TC2N: variants seen among roughly 807,000 people sequenced by gnomAD.
TC2N encodes tandem C2 domains nuclear protein.
TC2N carries 51 observed loss-of-function variants against 61.9 expected under a neutral mutation model. The observed-to-expected ratio is 0.82, with a 90% CI of 0.66 to 1.04. The LOEUF (loss-of-function observed/expected upper bound fraction) is 1.04, where lower values mean the gene tolerates loss of function less well. Ranked by LOEUF, TC2N falls within the 50% of genes least tolerant of loss-of-function variation. TC2N has a pLI of 0.00. For synonymous variants in TC2N, 204 were observed against 192.6 expected, an observed-to-expected ratio of 1.06 and a Z score of -0.49; for missense variants, 556 against 566.7, an observed-to-expected ratio of 0.98 and a Z score of 0.19.
At position 91,781,178 on chromosome 14, in the gene TC2N, T is replaced by C. The variant is rs1028541450; in HGVS notation, c.*1922A>G. ...CAGAGAAACCAGCTAAAACAAATTG[T>C]AGCTTTTAAAATAAACAATAAAGCC... On this transcript the variant is annotated 3_prime_UTR_variant, in exon 12 of 12. Coordinates refer to ENST00000435962, the MANE Select transcript of TC2N (RefSeq NM_001128596.3). 2.4e-4 allele frequency: 37 copies of C among 152,148 alleles called. 1 individual carries two copies. The highest frequency in any genetic ancestry group is 8.7e-4 in the African/African-American group (36 of 41,456). The allele number at this position is 152,148 out of a possible 1,614,324, so 9.4% of individuals were successfully genotyped here.
At chr14:91,807,982 T>G (rs1410160155) in intron 3 of TC2N, among the ~76,000 whole-genome samples, 1 of 152,158 alleles carries the variant, frequency 6.6e-6, no homozygotes, top group African/African-American at 2.4e-5. Context: ...AAGTCTCAGA[T>G]CTGATGGTTT....
intron 1 of TC2N, among the ~76,000 whole-genome samples, chr14:91,815,441 G>T (rs929650127): frequency 6.6e-6 from 1 of 151,454 alleles, no homozygotes; most frequent in Non-Finnish European, 1.5e-5. Context: ...CCACAAATAA[G>T]ATATAGAGCA....
chr14:91,805,127 G>A (rs1045243101), intron 3 of TC2N, among the ~76,000 whole-genome samples: 5 of 152,154 alleles, frequency 3.3e-5, no homozygotes, highest in African/African-American at 1.2e-4. Context: ...GGTTCCATAA[G>A]ATTATAATGA....
intron 2 of TC2N, 56 bp downstream of exon 2, chr14:91,813,647 T>C (rs1303233353): frequency 7.9e-6 from 10 of 1,262,178 alleles, no homozygotes; most frequent in Non-Finnish European, 1.2e-5. Context: ...TATTACAAAA[T>C]GCCACAAATG....
chr14:91,787,644 T>C lies in TC2N; in HGVS notation c.1048-17A>G. The C allele has an allele frequency of 7.0e-7, 1 of 1,433,586 alleles. No individual in the cohort carries two copies. Among genetic ancestry groups the C allele is most frequent in the Non-Finnish European group, 9.7e-7 (1 of 1,031,272 alleles). The allele number at this position is 1,433,586 out of a possible 1,614,324, so 88.8% of individuals were successfully genotyped here. ...ATGGCAAACCTGCATATCAAAAAAG[T>C]GTCATTTGGTAGTTAAGAATAAAGT... On this transcript the variant is annotated splice_polypyrimidine_tract_variant and intron_variant, in intron 9 of 11. Transcript: ENST00000435962.
intron 1 of TC2N, among the ~76,000 whole-genome samples, chr14:91,842,303 A>C (rs1888178875): frequency 6.6e-6 from 1 of 152,084 alleles, no homozygotes; most frequent in Non-Finnish European, 1.5e-5. Flanking sequence ...CTACACTATT[A>C]AAGGCCAAGT....
intron 1 of TC2N, among the ~76,000 whole-genome samples, chr14:91,817,035 C>T (rs1443957649): frequency 6.6e-6 from 1 of 151,858 alleles, no homozygotes; most frequent in East Asian, 1.9e-4. Context: ...ATCTGTCTAG[C>T]CCTAGGAGGA....
chr14:91,819,633 T>C (rs1887157399), intron 1 of TC2N, among the ~76,000 whole-genome samples: 1 of 152,180 alleles, frequency 6.6e-6, no homozygotes, highest in Non-Finnish European at 1.5e-5. Flanking sequence ...GCACCATAAG[T>C]ATAAATACAT....
intron 1 of TC2N, among the ~76,000 whole-genome samples, chr14:91,843,458 C>T (rs72705319): frequency 0.021 from 3,153 of 152,244 alleles, 45 homozygotes; most frequent in Non-Finnish European, 0.031. Flanking sequence ...TTGAAATTTT[C>T]TGTCCTTTGG....
intron 1 of TC2N, among the ~76,000 whole-genome samples, chr14:91,838,666 A>G (rs997190698): frequency 2.6e-5 from 4 of 152,242 alleles, no homozygotes; most frequent in Non-Finnish European, 4.4e-5. Flanking sequence ...CCTTAAATGA[A>G]CAACTTTAAC....
chr14:91,843,910 C>T (rs551370018), intron 1 of TC2N, among the ~76,000 whole-genome samples: 1 of 152,138 alleles, frequency 6.6e-6, no homozygotes, highest in African/African-American at 2.4e-5. Context: ...CCTCTTTCTC[C>T]ACCACTCCCA....
At chr14:91,815,864 A>G (rs973066498) in intron 1 of TC2N, among the ~76,000 whole-genome samples, 2 of 151,714 alleles carry the variant, frequency 1.3e-5, no homozygotes, top group Non-Finnish European at 3.0e-5. Context: ...TAATACAAAC[A>G]GTATCTGTAA....
At chr14:91,798,869 A>T (rs905004105) in intron 6 of TC2N, 120 bp downstream of exon 6, 15 of 626,682 alleles carry the variant, frequency 2.4e-5, no homozygotes, top group Non-Finnish European at 4.0e-5. Flanking sequence ...GACTTAATTT[A>T]TTATATCAAC....
chr14:91,827,357 C>A (rs1887548374), intron 1 of TC2N, among the ~76,000 whole-genome samples: 1 of 152,160 alleles, frequency 6.6e-6, no homozygotes, highest in Non-Finnish European at 1.5e-5. Flanking sequence ...GGCAGGGCTG[C>A]ATTACTTCTG....
At chr14:91,788,530 C>A (rs1885474017) in intron 9 of TC2N, among the ~76,000 whole-genome samples, 1 of 152,184 alleles carries the variant, frequency 6.6e-6, no homozygotes, top group African/African-American at 2.4e-5. Context: ...AGTACTGATT[C>A]CAATAAAGTT....
At chr14:91,786,692 G>A (rs1885380089) in intron 10 of TC2N, among the ~76,000 whole-genome samples, 1 of 152,086 alleles carries the variant, frequency 6.6e-6, no homozygotes, top group Non-Finnish European at 1.5e-5. Flanking sequence ...AATCTCTTCT[G>A]AATTTGAAAT....
At chr14:91,843,244 A>G (rs1880547541) in intron 1 of TC2N, among the ~76,000 whole-genome samples, 1 of 151,882 alleles carries the variant, frequency 6.6e-6, no homozygotes, top group African/African-American at 2.4e-5. Flanking sequence ...GTACCATGGC[A>G]TTTTGGGAAT....
intron 8 of TC2N, among the ~76,000 whole-genome samples, chr14:91,795,120 T>C (rs1595227352): frequency 1.3e-5 from 2 of 152,046 alleles, no homozygotes; most frequent in Non-Finnish European, 2.9e-5. Flanking sequence ...GAAGATGCAA[T>C]TGAATGGCTG....
chr14:91,802,717 T>C (rs1566768390), intron 3 of TC2N, among the ~76,000 whole-genome samples: 1 of 151,448 alleles, frequency 6.6e-6, no homozygotes, highest in Non-Finnish European at 1.5e-5. Context: ...TCTACTTATA[T>C]ATAGAACATC....
Sources: allele counts gnomAD v4.1 joint callset (sites outside exome capture counted in the v4.1 genomes callset), GRCh38; gene constraint gnomAD v4.1.1; transcripts MANE v1.5; gene names NCBI Gene and HGNC (gene_info 2026-07-23, HGNC 2026-07-21).